The following ACOT7 variants were observed in gnomAD, a reference collection of about 807,000 sequenced individuals.
The protein encoded by ACOT7 is cytosolic acyl coenzyme A thioester hydrolase.
In ACOT7, 12 loss-of-function variants were observed where a neutral mutation model predicts 40.2. That is an observed-to-expected ratio of 0.30 (90% confidence interval 0.19 to 0.48). The LOEUF (loss-of-function observed/expected upper bound fraction) is 0.48. ACOT7 is among the 20% of genes least tolerant of loss of function. The pLI, the probability that ACOT7 is intolerant of heterozygous loss-of-function variation, is 0.99. For synonymous variants in ACOT7, 228 were observed against 219.5 expected (o/e 1.04, Z -0.34); for missense variants, 395 against 530.8 (o/e 0.74, Z 2.51).
rs1309642959 is a variant in ACOT7, at chr1:6,311,812, T to C, written c.712+6680A>G. ...TTTCTCTTTCCCAGGGTAGGACGTT[T>C]ACCGCGGCAGTGCTGCCCCAGCCTG... is the stretch of plus-strand genomic sequence containing the variant. On this transcript the variant is annotated intron_variant, in intron 6 of 8. Transcript: ENST00000361521. The surrounding 1 kb of genome is among the most constrained non-coding windows in gnomAD (Gnocchi z 5.2). Among the ~76,000 whole-genome samples, 1 of 152,172 alleles carries C rather than the reference T, an allele frequency of 6.6e-6. No individual in the cohort carries two copies. The highest frequency in any genetic ancestry group is 1.5e-5 in the Non-Finnish European group (1 of 68,020).
intron 1 of ACOT7, among the ~76,000 whole-genome samples, chr1:6,389,188 G>A (rs373905616): frequency 1.3e-5 from 2 of 152,106 alleles, no homozygotes; most frequent in Non-Finnish European, 2.9e-5. Context: ...CACTATTCTA[G>A]GCATTCATGG....
chr1:6,278,440 C>G lies in ACOT7; in HGVS notation c.1014+2662G>C, dbSNP rs1057086903. On this transcript the variant is annotated intron_variant, in intron 8 of 8. Coordinates refer to ENST00000361521, the MANE Select transcript of ACOT7 (RefSeq NM_007274.4). The surrounding 1 kb of genome is among the most constrained non-coding windows in gnomAD (Gnocchi z 4.1). ...TGGGGACGGGGCAGTAAGAGCTGTT[C>G]GGGAGAGGAGTGGAGCGGCACTGGG... is the stretch of plus-strand genomic sequence containing the variant. Among the ~76,000 whole-genome samples, 2 of 151,940 alleles carry G rather than the reference C, an allele frequency of 1.3e-5. No individual in the cohort carries two copies. Among genetic ancestry groups the G allele is most frequent in the Non-Finnish European group, 2.9e-5 (2 of 67,978 alleles).
chr1:6,344,487 C>T (rs1040571561), intron 2 of ACOT7, among the ~76,000 whole-genome samples: 1 of 152,064 alleles, frequency 6.6e-6, no homozygotes, highest in Admixed American at 6.6e-5. Context: ...AAAGTAGGGC[C>T]GGGCGCAGTG....
intron 6 of ACOT7, among the ~76,000 whole-genome samples, chr1:6,313,725 G>C (rs1025032573): frequency 2.6e-5 from 4 of 152,158 alleles, no homozygotes; most frequent in Admixed American, 2.0e-4. Flanking sequence ...CCAGGCTGGC[G>C]GAGCCACAGG....
chr1:6,306,318 G>A lies in ACOT7; in HGVS notation c.713-11338C>T, dbSNP rs1640156472. 1 of 985,208 alleles carries A rather than the reference G, an allele frequency of 1.0e-6. No homozygotes were observed. Among genetic ancestry groups the A allele is most frequent in the Non-Finnish European group, 1.2e-6 (1 of 829,918 alleles). The allele number at this position is 985,208 out of a possible 1,614,324, so 61.0% of individuals were successfully genotyped here. ...GGGTCAGTGCCCCATGATTTGAGAG[G>A]GATGACGTGCTGGCCACCAGGGACC... On this transcript the variant is annotated intron_variant, in intron 6 of 8. Transcript: ENST00000361521. The surrounding 1 kb of genome is among the most constrained non-coding windows in gnomAD (Gnocchi z 4.3).
In ACOT7 at chr1:6,294,510, C is replaced by T. The variant is rs149551043; in HGVS notation, c.829+354G>A. Among the ~76,000 whole-genome samples, 523 of 152,266 alleles carry T rather than the reference C, an allele frequency of 3.4e-3. 2 individuals carry two copies. Among genetic ancestry groups the T allele is most frequent in the African/African-American group, 0.012 (493 of 41,546 alleles). On this transcript the variant is annotated intron_variant, in intron 7 of 8. Transcript: ENST00000361521. The surrounding 1 kb of genome is among the most constrained non-coding windows in gnomAD (Gnocchi z 4.6). ...TGCCTAAATCATGAATCATTAATTC[C>T]GCTCCCAAAATGAAATGTGCTGCCA...
intron 6 of ACOT7, among the ~76,000 whole-genome samples, chr1:6,297,277 A>G (rs1015480995): frequency 2.0e-5 from 3 of 152,172 alleles, no homozygotes; most frequent in South Asian, 2.1e-4. Flanking sequence ...ACCTCAGGTT[A>G]TCTGCCTGCC....
At position 6,274,879 on chromosome 1, in the gene ACOT7, A is replaced by G. The variant is rs577829691; in HGVS notation, c.1014+6223T>C. Among the ~76,000 whole-genome samples, 2 of 152,296 alleles carry G rather than the reference A, an allele frequency of 1.3e-5. No homozygotes were observed. Among genetic ancestry groups the G allele is most frequent in the South Asian group, 2.1e-4 (1 of 4,828 alleles). The stretch of plus-strand genomic sequence containing the variant: ...ACTCCCAGGGTTTAGGTTCTTGCAC[A>G]GAAGGGTTCTCAGGCAGGGCTCCTC... On this transcript the variant is annotated intron_variant, in intron 8 of 8. Coordinates refer to ENST00000361521, the MANE Select transcript of ACOT7 (RefSeq NM_007274.4). This position sits in a 1 kb window ranked among gnomAD's most constrained non-coding sequence, Gnocchi z 5.9.
rs1557642715 is a variant in ACOT7 at position 6,306,885 on chromosome 1, G to A, written c.712+11607C>T. On this transcript the variant is annotated intron_variant, in intron 6 of 8. Transcript: ENST00000361521. The surrounding 1 kb of genome is among the most constrained non-coding windows in gnomAD (Gnocchi z 4.3). ...TTTTCAGTGAAAGTCAACTCCTCCT[G>A]CAGGTGCAAAAGATTGTTTTTTCAC... is the stretch of plus-strand genomic sequence containing the variant. 2 of 1,289,138 alleles carry A rather than the reference G, an allele frequency of 1.6e-6. No individual in the cohort carries two copies. The highest frequency in any genetic ancestry group is 2.0e-6 in the Non-Finnish European group (2 of 988,690). The allele number at this position is 1,289,138 out of a possible 1,614,324, so 79.9% of individuals were successfully genotyped here.
chr1:6,270,699 G>A (rs139058081), intron 8 of ACOT7, among the ~76,000 whole-genome samples: 7 of 152,288 alleles, frequency 4.6e-5, no homozygotes, highest in East Asian at 3.9e-4. Flanking sequence ...CTATGGTGCC[G>A]GTGCACGTGA....
Position 6,393,291 on chromosome 1 carries a change from C to T in ACOT7, c.109G>A (p.Asp37Asn), listed in dbSNP as rs1642565658. 1.6e-6 allele frequency: 2 copies of T among 1,284,388 alleles called. No individual in the cohort carries two copies. Among genetic ancestry groups the T allele is most frequent in the African/African-American group, 3.0e-5 (2 of 65,926 alleles). 79.6% of individuals were successfully genotyped at this position (1,284,388 alleles called of 1,614,324 possible). Residue 37 changes from aspartate to asparagine, a missense_variant, in exon 1 of 9, where the codon GAC (aspartate) becomes AAC (asparagine). Asp to Asn is a conservative substitution (Grantham distance 23). Coordinates refer to ENST00000361521, the MANE Select transcript of ACOT7 (RefSeq NM_007274.4). ...AAAAPSMSGP[D>N]VETPSAIQIC... The stretch of plus-strand genomic sequence containing the variant: ...TGGATGGCGGACGGCGTCTCGACGT[C>T]TGGGCCCGACATGCTGGGGGCTGCG...
intron 7 of ACOT7, among the ~76,000 whole-genome samples, chr1:6,283,901 G>A (rs1367654748): frequency 6.6e-6 from 1 of 152,100 alleles, no homozygotes; most frequent in South Asian, 2.1e-4. Flanking sequence ...AGGCTCAGGC[G>A]GGAGCATCGT....
rs543544076 is a variant in ACOT7, at chr1:6,323,898, A to G, written c.625+3401T>C. Among the ~76,000 whole-genome samples, 544 of 151,578 alleles carry G rather than the reference A, an allele frequency of 3.6e-3. 3 individuals are homozygous for G. The highest frequency in any genetic ancestry group is 0.013 in the African/African-American group (527 of 41,358). ...CAGTCTGAACTCTTGCTCTAGGATGAGGTCTGGGATGTGGGATGGACAGGG... is the reference window on the plus strand; with the variant it reads ...CAGTCTGAACTCTTGCTCTAGGATGGGGTCTGGGATGTGGGATGGACAGGG... On this transcript the variant is annotated intron_variant, in intron 5 of 8. Transcript: ENST00000361521.
At chr1:6,290,372 ACTGTGG>A (rs1458910320) in intron 7 of ACOT7, among the ~76,000 whole-genome samples, 5 of 152,150 alleles carry the variant, frequency 3.3e-5, no homozygotes, top group African/African-American at 1.2e-4. Context: ...GCTTTTCCCC[ACTGTGG>A]CAGATCAGCC....
At chr1:6,357,109 T>A (rs1641766944) in intron 1 of ACOT7, among the ~76,000 whole-genome samples, 2 of 148,590 alleles carry the variant, frequency 1.3e-5, no homozygotes, top group African/African-American at 5.0e-5. Context: ...TGGTGGCACA[T>A]GCCTGTAATC....
At chr1:6,366,715 G>A (rs1259774788) in intron 1 of ACOT7, among the ~76,000 whole-genome samples, 1 of 151,582 alleles carries the variant, frequency 6.6e-6, no homozygotes, top group Non-Finnish European at 1.5e-5. Flanking sequence ...GAGTACAGTG[G>A]CATGATCTCG....
intron 1 of ACOT7, among the ~76,000 whole-genome samples, chr1:6,379,258 CAAAG>C (rs1642291007): frequency 6.6e-6 from 1 of 151,738 alleles, no homozygotes; most frequent in African/African-American, 2.4e-5. Flanking sequence ...TATAAGAGTT[CAAAG>C]AAAGGATGCA....
At chr1:6,370,174 G>A (rs1642101713) in intron 1 of ACOT7, among the ~76,000 whole-genome samples, 1 of 152,068 alleles carries the variant, frequency 6.6e-6, no homozygotes, top group African/African-American at 2.4e-5. Flanking sequence ...TCACTTCTCT[G>A]GCCATGTGAC....
chr1:6,353,814 C>T (rs1331116982), intron 1 of ACOT7, among the ~76,000 whole-genome samples: 1 of 152,126 alleles, frequency 6.6e-6, no homozygotes, highest in Non-Finnish European at 1.5e-5. Context: ...CCCCAACACG[C>T]TAATCCTGCA....
Sources: gnomAD v4.1 joint callset for allele counts (sites outside exome capture counted in the v4.1 genomes callset) on GRCh38, gnomAD v4.1.1 for gene constraint, Gnocchi (gnomAD v3.1) non-coding constraint, MANE v1.5 for transcripts, NCBI Gene and HGNC (gene_info 2026-07-23, HGNC 2026-07-21) for gene names.